The following ZDHHC7 variants were observed in gnomAD, a reference collection of about 807,000 sequenced individuals.
ZDHHC7 encodes palmitoyltransferase ZDHHC7.
A neutral mutation model predicts 34.1 loss-of-function variants in ZDHHC7; 12 were observed. The observed-to-expected ratio is 0.35, with a 90% CI of 0.23 to 0.57. The LOEUF (loss-of-function observed/expected upper bound fraction) is 0.57. Ranked by LOEUF, ZDHHC7 falls within the 20% of genes least tolerant of loss-of-function variation. The pLI, the probability that ZDHHC7 is intolerant of heterozygous loss-of-function variation, is 0.84. For synonymous variants in ZDHHC7, 185 were observed against 155.4 expected (o/e 1.19, Z -1.42); for missense variants, 388 against 402.7 (o/e 0.96, Z 0.31).
At chr16:84,984,162 G>A (rs745427044) in intron 3 of ZDHHC7, among the ~76,000 whole-genome samples, 11 of 151,926 alleles carry the variant, frequency 7.2e-5, no homozygotes, top group Non-Finnish European at 1.0e-4. Context: ...TGGGATTATA[G>A]GCGTGCGCCA....
At chr16:85,009,310 GAATC>G (rs1354271878) in intron 1 of ZDHHC7, among the ~76,000 whole-genome samples, 1 of 152,030 alleles carries the variant, frequency 6.6e-6, no homozygotes, top group Non-Finnish European at 1.5e-5. Context: ...ACTTTTGACT[GAATC>G]AAGATTGTTC....
In ZDHHC7 at chr16:84,976,674, G is replaced by A. The variant is rs959525768; in HGVS notation, c.751-155C>T. Among the ~76,000 whole-genome samples, 6 of 152,290 alleles carry A rather than the reference G, an allele frequency of 3.9e-5. No individual in the cohort carries two copies. In the East Asian group the frequency reaches 5.8e-4, roughly 15 times the overall value. ...CCAGCTCTGCCCCGATCCAGACCCCGTGGCCTCTGTGAGCCCAGCCCGGCT... is the reference window on the plus strand; with the variant it reads ...CCAGCTCTGCCCCGATCCAGACCCCATGGCCTCTGTGAGCCCAGCCCGGCT... On this transcript the variant is annotated intron_variant, in intron 7 of 7. Transcript: ENST00000313732.
At chr16:84,986,483 T>C (rs1597540420) in intron 3 of ZDHHC7, among the ~76,000 whole-genome samples, 1 of 152,134 alleles carries the variant, frequency 6.6e-6, no homozygotes, top group African/African-American at 2.4e-5. Context: ...AGAAGGCTCG[T>C]AGGCATCCAC....
chr16:85,013,475 G>A (rs1042309504), upstream of ZDHHC7, among the ~76,000 whole-genome samples: 8 of 151,664 alleles, frequency 5.3e-5, no homozygotes, highest in African/African-American at 1.9e-4. Flanking sequence ...ACTCCTGACT[G>A]CAAGTGATCC....
Position 84,976,513 on chromosome 16 carries a change from C to T in ZDHHC7, c.757G>A (p.Glu253Lys), listed in dbSNP as rs760082855. 3.1e-6 allele frequency: 5 copies of T among 1,613,328 alleles called. No homozygotes were observed. The highest frequency in any genetic ancestry group is 4.2e-6 in the Non-Finnish European group (5 of 1,179,954). The change falls in exon 8 of 8, where the codon GAG (glutamate) becomes AAG (lysine). Residue 253 changes from glutamate (E) to lysine (K), a missense_variant. By Grantham distance (56) the Glu-to-Lys change is moderately conservative (BLOSUM62 1). Coordinates refer to ENST00000313732, the MANE Select transcript of ZDHHC7 (RefSeq NM_017740.3). ...GTGGGCTTCTCACTTTTCAATCGCT[C>T]GATCTCCTGGAAGCAGAAAGAAAAG... ...HSICNDETEI[E>K]RLKSEKPTWE...
chr16:85,016,608 C>T, the ZDHHC7 span, among the ~76,000 whole-genome samples: 1 of 150,050 alleles, frequency 6.7e-6, no homozygotes, highest in African/African-American at 2.5e-5. Context: ...CTGCCGGCCA[C>T]CACACCTGGT....
intron 3 of ZDHHC7, chr16:84,988,659 G>T: frequency 1.0e-6 from 1 of 963,722 alleles, no homozygotes; most frequent in Non-Finnish European, 1.6e-6. Flanking sequence ...TAGAGTCTGA[G>T]CGCAGAGGAG....
upstream of ZDHHC7, among the ~76,000 whole-genome samples, chr16:85,012,977 C>T (rs189970859): frequency 6.6e-6 from 1 of 152,224 alleles, no homozygotes; most frequent in East Asian, 1.9e-4. Flanking sequence ...AAATTATTTT[C>T]AGCTGAAGGC....
chr16:85,009,330 T>C (rs1239271226), intron 1 of ZDHHC7, among the ~76,000 whole-genome samples: 5 of 152,110 alleles, frequency 3.3e-5, no homozygotes, highest in Admixed American at 6.5e-5. Flanking sequence ...TGTTCTTATA[T>C]AAAGTTCATT....
intron 1 of ZDHHC7, among the ~76,000 whole-genome samples, chr16:85,010,811 G>A (rs944582041): frequency 4.6e-5 from 7 of 152,368 alleles, no homozygotes; most frequent in East Asian, 1.9e-4. Flanking sequence ...ACGTGGAGCA[G>A]GAGGGAAGAT....
intron 2 of ZDHHC7, among the ~76,000 whole-genome samples, chr16:84,994,208 G>A (rs2072546302): frequency 6.6e-6 from 1 of 152,236 alleles, no homozygotes; most frequent in Non-Finnish European, 1.5e-5. Context: ...CTTGCATGCT[G>A]TCTGGCGCAC....
chr16:84,985,410 A>G (rs2072423622), intron 3 of ZDHHC7, among the ~76,000 whole-genome samples: 2 of 152,264 alleles, frequency 1.3e-5, no homozygotes, highest in African/African-American at 4.8e-5. Context: ...GCGGCAGGTA[A>G]GAATGGGGCC....
intron 4 of ZDHHC7, among the ~76,000 whole-genome samples, chr16:84,979,557 G>C (rs1165022290): frequency 6.6e-6 from 1 of 152,156 alleles, no homozygotes; most frequent in Non-Finnish European, 1.5e-5. Context: ...TCCCCCAGTA[G>C]AGCTGGATCA....
At chr16:84,979,511 G>T (rs113576778) in intron 4 of ZDHHC7, among the ~76,000 whole-genome samples, 162 of 152,220 alleles carry the variant, frequency 1.1e-3, no homozygotes, top group African/African-American at 3.9e-3. Context: ...GGGGCGAAAG[G>T]TCAAACTAAG....
the ZDHHC7 span, among the ~76,000 whole-genome samples, chr16:85,023,143 A>T: frequency 6.6e-6 from 1 of 150,498 alleles, no homozygotes; most frequent in Admixed American, 6.6e-5. Context: ...AAGATAATAT[A>T]TTATGGTTTT....
At chr16:85,023,359 T>A in the ZDHHC7 span, among the ~76,000 whole-genome samples, 2 of 152,070 alleles carry the variant, frequency 1.3e-5, no homozygotes, top group Non-Finnish European at 2.9e-5. Flanking sequence ...GAGACAGGGT[T>A]TCACCGTGTT....
At chr16:85,008,222 G>C (rs775298613) in intron 1 of ZDHHC7, among the ~76,000 whole-genome samples, 1 of 152,036 alleles carries the variant, frequency 6.6e-6, no homozygotes, top group African/African-American at 2.4e-5. Context: ...GGAGCTCTTC[G>C]TCACAGGGTA....
At chr16:85,025,936 C>G in the ZDHHC7 span, among the ~76,000 whole-genome samples, 1 of 152,156 alleles carries the variant, frequency 6.6e-6, no homozygotes, top group Non-Finnish European at 1.5e-5. Context: ...GTCATCTGCC[C>G]TGAAGATTTT....
chr16:85,020,225 A>G, the ZDHHC7 span, among the ~76,000 whole-genome samples: 5 of 152,142 alleles, frequency 3.3e-5, no homozygotes, highest in African/African-American at 4.8e-5. Context: ...GCCCCTGCCC[A>G]TTTGTCCTCA....
Sources: gnomAD v4.1 joint callset for allele counts (sites outside exome capture counted in the v4.1 genomes callset) on GRCh38, gnomAD v4.1.1 for gene constraint, MANE v1.5 for transcripts, NCBI Gene and HGNC (gene_info 2026-07-23, HGNC 2026-07-21) for gene names.